Variants in VGLL4 observed in about 807,000 individuals in gnomAD.
The protein encoded by VGLL4 is transcription cofactor vestigial-like protein 4.
Under a neutral mutation model 21.0 loss-of-function variants are expected in VGLL4, and 7 were observed. That is an observed-to-expected ratio of 0.33 (90% confidence interval 0.19 to 0.63). The LOEUF is 0.63. Among genes scored for constraint, VGLL4 ranks in the 20% least tolerant of loss-of-function variants. The probability of loss-of-function intolerance (pLI) is 0.78; values close to 1 mark genes in which losing one functional copy is unlikely to be tolerated. For missense variants in VGLL4, 394 were observed against 425.7 expected (o/e 0.93, Z 0.66); for synonymous variants, 222 against 173.2 (o/e 1.28, Z -2.21).
chr3:11,698,949 AAAGAG>A (rs2076642423), intron 2 of VGLL4, among the ~76,000 whole-genome samples: 1 of 152,238 alleles, frequency 6.6e-6, no homozygotes, highest in African/African-American at 2.4e-5. Flanking sequence ...GAGCAAAGGA[AAAGAG>A]AATCATTTAG....
chr3:11,618,611 C>T (rs935580610), intron 1 of VGLL4, among the ~76,000 whole-genome samples: 2 of 152,106 alleles, frequency 1.3e-5, no homozygotes, highest in Admixed American at 1.3e-4. Flanking sequence ...ATCGTAAGAT[C>T]CTTATGCAAA....
intron 1 of VGLL4, among the ~76,000 whole-genome samples, chr3:11,630,237 C>T (rs2075446786): frequency 6.6e-6 from 1 of 152,176 alleles, no homozygotes; most frequent in Non-Finnish European, 1.5e-5. Flanking sequence ...TCATAATAGG[C>T]ATTCCAATAA....
intron 2 of VGLL4, among the ~76,000 whole-genome samples, chr3:11,685,086 G>T (rs1350569325): frequency 6.6e-6 from 1 of 151,894 alleles, no homozygotes; most frequent in African/African-American, 2.4e-5. Context: ...TGAGGTATTT[G>T]GTTTTTTGTT....
At chr3:11,662,613 T>C (rs2076053335) in intron 2 of VGLL4, among the ~76,000 whole-genome samples, 1 of 152,248 alleles carries the variant, frequency 6.6e-6, no homozygotes, top group Non-Finnish European at 1.5e-5. Context: ...GAATGCTCTC[T>C]ATTCCACAAT....
Position 11,558,467 on chromosome 3 carries a change from CCCCCAT to C in VGLL4, c.*83_*88del, listed in dbSNP as rs2072638066. On this transcript the variant is annotated 3_prime_UTR_variant, in exon 5 of 5. Transcript: ENST00000430365. The stretch of plus-strand genomic sequence containing the variant: ...CATCCCTTCCCTTCCCCCCACCCCA[CCCCCAT>C]GATTTTTTTTTTTTTAAGTACTGAC... 5 of 1,290,334 alleles carry C rather than the reference CCCCCAT, an allele frequency of 3.9e-6. No individual in the cohort carries two copies. The Admixed American group carries it at 9.5e-5, about 24-fold the overall frequency. 79.9% of individuals were successfully genotyped at this position (1,290,334 alleles called of 1,614,324 possible). A position where few individuals can be genotyped will look rare whatever the true frequency, so the allele number is the denominator to read the frequency against.
intron 2 of VGLL4, among the ~76,000 whole-genome samples, chr3:11,591,487 T>A (rs556133454): frequency 2.6e-5 from 4 of 152,210 alleles, no homozygotes; most frequent in Non-Finnish European, 4.4e-5. Context: ...GGAACTGCCT[T>A]CCCAGCTCTC....
intron 1 of VGLL4, among the ~76,000 whole-genome samples, chr3:11,624,309 A>G (rs1444675052): frequency 2.0e-5 from 3 of 152,160 alleles, no homozygotes; most frequent in Non-Finnish European, 4.4e-5. Context: ...ACCACATCAG[A>G]CATTTCTAAG....
chr3:11,573,316 GAAGAAAGAAAGAAAGAAAGAAAGAAAGA>G (rs1286422799), intron 2 of VGLL4, among the ~76,000 whole-genome samples: 254 of 20,732 alleles, frequency 0.012, 9 homozygotes, highest in East Asian at 0.064. Flanking sequence ...AGGAAGGAAG[GAAGAAAGAAAGAAAGAAAGAAAGAAAGA>G]AAGAAAGAAA....
chr3:11,621,903 G>A (rs1164907468), intron 1 of VGLL4, among the ~76,000 whole-genome samples: 1 of 152,116 alleles, frequency 6.6e-6, no homozygotes, highest in Non-Finnish European at 1.5e-5. Flanking sequence ...TCCTAATGAT[G>A]TTGAGCATAT....
intron 2 of VGLL4, among the ~76,000 whole-genome samples, chr3:11,683,655 A>G (rs1180787135): frequency 1.3e-5 from 2 of 151,558 alleles, no homozygotes; most frequent in African/African-American, 2.4e-5. Flanking sequence ...TTAGCCAGGC[A>G]TGGTAGTGCA....
chr3:11,654,215 A>T (rs7623156), intron 2 of VGLL4, among the ~76,000 whole-genome samples: 23,082 of 152,236 alleles, frequency 0.15, 2,058 homozygotes, highest in African/African-American at 0.24. Flanking sequence ...CTGATACAGC[A>T]CAAGAGGTCA....
chr3:11,571,822 A>G (rs890876271), intron 2 of VGLL4, among the ~76,000 whole-genome samples: 5 of 152,118 alleles, frequency 3.3e-5, no homozygotes, highest in African/African-American at 1.2e-4. Flanking sequence ...TGAGAAGCCT[A>G]TTGGCCGGGC....
intron 3 of VGLL4, among the ~76,000 whole-genome samples, chr3:11,559,830 C>T (rs533988236): frequency 4.4e-4 from 67 of 152,318 alleles, no homozygotes; most frequent in African/African-American, 1.5e-3. Context: ...GAGCCCTTCC[C>T]ATCATGTCCA....
At chr3:11,684,031 T>C (rs1430420161) in intron 2 of VGLL4, among the ~76,000 whole-genome samples, 4 of 152,004 alleles carry the variant, frequency 2.6e-5, no homozygotes, top group Non-Finnish European at 5.9e-5. Context: ...GCCAACATGG[T>C]AAAACCCCGT....
chr3:11,622,971 A>C (rs1482202193), intron 1 of VGLL4, among the ~76,000 whole-genome samples: 1 of 152,134 alleles, frequency 6.6e-6, no homozygotes, highest in African/African-American at 2.4e-5. Context: ...ATTTACTTAC[A>C]TACTTGGTAT....
chr3:11,646,659 A>T (rs2075798595), upstream of VGLL4, among the ~76,000 whole-genome samples: 1 of 152,206 alleles, frequency 6.6e-6, no homozygotes, highest in African/African-American at 2.4e-5. Context: ...AAACAATACC[A>T]TTGTAGAAAA....
At position 11,710,900 on chromosome 3, in the gene VGLL4, A is replaced by G. The variant is rs538011360; in HGVS notation, c.-13-7853T>C. Among the ~76,000 whole-genome samples the G allele has an allele frequency of 9.3e-5, 14 of 150,458 alleles. No homozygotes were observed. In the East Asian group the frequency reaches 2.8e-3, roughly 30 times the overall value. ...AGATCACTTGAGGTCAGGAGTTCGA[A>G]ACCAGTCTGGCCAACATGGTGAAAC... is the stretch of plus-strand genomic sequence containing the variant. On this transcript the variant is annotated intron_variant, in intron 1 of 5. Coordinates refer to the VGLL4 transcript ENST00000273038.
At chr3:11,650,215 A>G (rs1055901746) in intron 2 of VGLL4, among the ~76,000 whole-genome samples, 2 of 152,150 alleles carry the variant, frequency 1.3e-5, no homozygotes, top group African/African-American at 2.4e-5. Context: ...GATTACTGGC[A>G]TGAGCCACCA....
At chr3:11,661,407 T>C (rs914921512) in intron 2 of VGLL4, among the ~76,000 whole-genome samples, 16 of 152,296 alleles carry the variant, frequency 1.1e-4, no homozygotes, top group Admixed American at 2.0e-4. Flanking sequence ...CTGGAAAGAA[T>C]TGGAAAGTTA....
Sources: allele counts gnomAD v4.1 joint callset (sites outside exome capture counted in the v4.1 genomes callset), GRCh38; gene constraint gnomAD v4.1.1; transcripts MANE v1.5; gene names NCBI Gene and HGNC (gene_info 2026-07-23, HGNC 2026-07-21).